Variants in KIAA0825 observed in about 807,000 individuals in gnomAD.
KIAA0825 encodes uncharacterized protein KIAA0825.
KIAA0825 carries 119 observed loss-of-function variants against 147.6 expected under a neutral mutation model. The ratio of observed to expected loss-of-function variants is 0.81; its 90% CI spans 0.69 to 0.94. The LOEUF (loss-of-function observed/expected upper bound fraction) is 0.94, where lower values mean the gene tolerates loss of function less well. Among genes scored for constraint, KIAA0825 ranks in the 40% least tolerant of loss-of-function variants. KIAA0825 has a pLI of 0.00. For missense variants in KIAA0825, 1,381 were observed against 1,472.7 expected (o/e 0.94, Z 1.02); for synonymous variants, 470 against 518.1 (o/e 0.91, Z 1.26).
chr5:94,281,462 A>C (rs539686910), intron 20 of KIAA0825, among the ~76,000 whole-genome samples: 2 of 152,124 alleles, frequency 1.3e-5, no homozygotes, highest in Non-Finnish European at 2.9e-5. Flanking sequence ...CCCTGCACCA[A>C]TGCAGTCTGA....
At chr5:94,202,948 C>A (rs570699839) in intron 20 of KIAA0825, among the ~76,000 whole-genome samples, 54 of 152,236 alleles carry the variant, frequency 3.5e-4, no homozygotes, top group Non-Finnish European at 6.3e-4. Context: ...CATATCATTC[C>A]TGAGATATTG....
chr5:94,261,967 A>G (rs1776516430), intron 20 of KIAA0825, among the ~76,000 whole-genome samples: 1 of 152,170 alleles, frequency 6.6e-6, no homozygotes, highest in East Asian at 1.9e-4. Context: ...ATGATAAAGG[A>G]AAATACTAAT....
intron 20 of KIAA0825, among the ~76,000 whole-genome samples, chr5:94,345,226 C>A (rs1357671496): frequency 6.6e-6 from 1 of 152,032 alleles, no homozygotes; most frequent in Non-Finnish European, 1.5e-5. Flanking sequence ...CATAGGTTAT[C>A]AGTGGTGTTT....
chr5:94,460,171 C>T (rs1759634869), intron 12 of KIAA0825, among the ~76,000 whole-genome samples: 1 of 152,104 alleles, frequency 6.6e-6, no homozygotes, highest in Admixed American at 6.5e-5. Flanking sequence ...TGTGAATATG[C>T]TTCTGAACCT....
intron 1 of KIAA0825, among the ~76,000 whole-genome samples, chr5:94,609,516 A>T (rs944745888): frequency 5.9e-5 from 9 of 152,308 alleles, no homozygotes; most frequent in Non-Finnish European, 1.2e-4. Context: ...AGTATAAAAG[A>T]GGTCTTCAGT....
intron 10 of KIAA0825, among the ~76,000 whole-genome samples, chr5:94,469,583 T>C (rs1760969702): frequency 6.6e-6 from 1 of 152,210 alleles, no homozygotes; most frequent in Non-Finnish European, 1.5e-5. Context: ...TATGGAAATG[T>C]ATAACAAGAA....
Position 94,384,447 on chromosome 5 carries a change from A to C in KIAA0825, c.3631T>G (p.Trp1211Gly), listed in dbSNP as rs1338511725. ...NMLDQVSITK[W>G]NWNWAKLLPN... ...AGCAACTTTGCCCAATTCCAGTTCC[A>C]TTTTGTGATGGCTGACTGTTGATAA... is the stretch of plus-strand genomic sequence containing the variant. The change falls in exon 20 of 21, where the codon TGG (tryptophan) becomes GGG (glycine). Residue 1211 changes from tryptophan (W) to glycine (G), a missense_variant. Coordinates refer to ENST00000682413, the MANE Select transcript of KIAA0825 (RefSeq NM_001145678.3). 6.4e-7 allele frequency: 1 copy of C among 1,551,534 alleles called. No individual in the cohort carries two copies. The highest frequency in any genetic ancestry group is 2.4e-5 in the East Asian group (1 of 40,910).
At chr5:94,501,876 A>T (rs1291314150) in intron 5 of KIAA0825, among the ~76,000 whole-genome samples, 2 of 152,182 alleles carry the variant, frequency 1.3e-5, no homozygotes, top group Non-Finnish European at 2.9e-5. Flanking sequence ...GAAAAATCCT[A>T]ATGTCTATAA....
At chr5:94,539,072 C>T (rs4869214) in intron 2 of KIAA0825, among the ~76,000 whole-genome samples, 64,214 of 151,996 alleles carry the variant, frequency 0.42, 15,045 homozygotes, top group African/African-American at 0.64. Context: ...CATAAAGATC[C>T]TGCTGATAAA....
At chr5:94,397,835 G>A (rs565624020) in intron 16 of KIAA0825, among the ~76,000 whole-genome samples, 2 of 152,134 alleles carry the variant, frequency 1.3e-5, no homozygotes, top group Non-Finnish European at 2.9e-5. Context: ...CTCCAGAGCT[G>A]TAGTCCTATA....
intron 20 of KIAA0825, among the ~76,000 whole-genome samples, chr5:94,294,510 G>A (rs955004012): frequency 2.6e-5 from 4 of 152,092 alleles, no homozygotes; most frequent in Admixed American, 1.3e-4. Flanking sequence ...GGTGGATCAC[G>A]AGGTCAGGAG....
chr5:94,326,986 T>A (rs1437056016), intron 20 of KIAA0825, among the ~76,000 whole-genome samples: 2 of 152,168 alleles, frequency 1.3e-5, no homozygotes, highest in Non-Finnish European at 2.9e-5. Flanking sequence ...AAAAGGACCC[T>A]GATCACATGT....
chr5:94,244,008 A>G (rs1775482259), intron 20 of KIAA0825, among the ~76,000 whole-genome samples: 4 of 152,124 alleles, frequency 2.6e-5, no homozygotes. Flanking sequence ...AGCTCTCTGG[A>G]TAATTTTCCT....
chr5:94,283,334 A>G (rs550262810), intron 20 of KIAA0825, among the ~76,000 whole-genome samples: 4 of 152,248 alleles, frequency 2.6e-5, no homozygotes, highest in East Asian at 1.9e-4. Context: ...CATTGTCACA[A>G]TTAATCAGTG....
chr5:94,610,426 CAAA>C (rs199687437), intron 1 of KIAA0825, among the ~76,000 whole-genome samples: 4 of 63,210 alleles, frequency 6.3e-5, no homozygotes, highest in Non-Finnish European at 1.0e-4. Context: ...AAGACTGTCT[CAAA>C]AAAAAAAAAA....
chr5:94,499,963 C>G (rs569547106), intron 5 of KIAA0825, among the ~76,000 whole-genome samples: 1 of 152,026 alleles, frequency 6.6e-6, no homozygotes, highest in Non-Finnish European at 1.5e-5. Context: ...GAGAAAGCTT[C>G]TTAGAAGAAA....
At chr5:94,200,288 T>C (rs1455484374) in intron 20 of KIAA0825, among the ~76,000 whole-genome samples, 1 of 152,148 alleles carries the variant, frequency 6.6e-6, no homozygotes, top group Non-Finnish European at 1.5e-5. Context: ...ACCCCTTTCC[T>C]AGGAGCTCCT....
At chr5:94,578,869 T>C (rs900069771) in intron 2 of KIAA0825, among the ~76,000 whole-genome samples, 3 of 152,102 alleles carry the variant, frequency 2.0e-5, no homozygotes, top group Admixed American at 6.5e-5. Context: ...GCCTGAAGAT[T>C]ATATTTTGAG....
chr5:94,484,906 C>T lies in KIAA0825; in HGVS notation c.995G>A (p.Gly332Glu). 1 of 1,518,112 alleles carries T rather than the reference C, an allele frequency of 6.6e-7. No homozygotes were observed. The highest frequency in any genetic ancestry group is 8.9e-7 in the Non-Finnish European group (1 of 1,124,658). The allele number at this position is 1,518,112 out of a possible 1,614,324, so 94.0% of individuals were successfully genotyped here. Residue 332 changes from glycine (G) to glutamate (E), a missense_variant, in exon 6 of 21, where the codon GGA becomes GAA. By Grantham distance (98) the Gly-to-Glu change is moderately conservative. Transcript: ENST00000682413. ...ALVTTECPQK[G>E]RNFSLPLDKV... ...GTCTAAAGGGAGAGAGAAGTTTCTT[C>T]CTTTCTGTGGGCATTCAGTAGTAAC...
Sources: allele counts gnomAD v4.1 joint callset (sites outside exome capture counted in the v4.1 genomes callset), GRCh38; gene constraint gnomAD v4.1.1; transcripts MANE v1.5; gene names NCBI Gene and HGNC (gene_info 2026-07-23, HGNC 2026-07-21).